Variants in NPR3 observed in about 807,000 individuals in gnomAD.
The protein encoded by NPR3 is atrial natriuretic peptide receptor 3.
Under a neutral mutation model 54.5 loss-of-function variants are expected in NPR3, and 34 were observed. That is an observed-to-expected ratio of 0.62 (90% CI 0.47 to 0.83). The LOEUF (loss-of-function observed/expected upper bound fraction) is 0.83. Ranked by LOEUF, NPR3 falls within the 40% of genes least tolerant of loss-of-function variation. The pLI is 0.00. For synonymous variants in NPR3, 289 were observed against 297.1 expected (o/e 0.97, Z 0.28); for missense variants, 674 against 720.8 (o/e 0.94, Z 0.74).
At position 32,713,230 on chromosome 5, in the gene NPR3, G is replaced by C. The variant is rs957989126; in HGVS notation, c.769+685G>C. On this transcript the variant is annotated intron_variant, in intron 1 of 7. Transcript: ENST00000265074. ...TGTTCTGCAACGCAGTTTCTAATGC[G>C]CCCAGAGCTAAGCTTTGCGGGAGTG... 4.7e-5 allele frequency: 46 copies of C among 985,390 alleles called. No individual in the cohort carries two copies. The Admixed American group carries it at 2.6e-3, about 57-fold the overall frequency. The allele number at this position is 985,390 out of a possible 1,614,324, so 61.0% of individuals were successfully genotyped here. A position where few individuals can be genotyped will look rare whatever the true frequency, so the allele number is the denominator to read the frequency against.
At chr5:32,770,975 G>A (rs1741725757) in intron 3 of NPR3, among the ~76,000 whole-genome samples, 1 of 152,164 alleles carries the variant, frequency 6.6e-6, no homozygotes, top group African/African-American at 2.4e-5. Flanking sequence ...CAGAGGCAGG[G>A]GACATACCAG....
upstream of NPR3, among the ~76,000 whole-genome samples, chr5:32,711,085 G>A (rs146156117): frequency 0.017 from 2,656 of 152,218 alleles, 38 homozygotes; most frequent in Middle Eastern, 0.037. Flanking sequence ...GGAAAAGGCA[G>A]AGGGCCTGCG....
intron 3 of NPR3, among the ~76,000 whole-genome samples, chr5:32,740,852 A>G (rs1383710615): frequency 6.6e-6 from 1 of 152,098 alleles, no homozygotes; most frequent in African/African-American, 2.4e-5. Context: ...TTATGAAAGA[A>G]GTAGGGTTTC....
intron 2 of NPR3, among the ~76,000 whole-genome samples, chr5:32,726,581 T>A (rs1739147907): frequency 6.6e-6 from 1 of 152,186 alleles, no homozygotes; most frequent in South Asian, 2.1e-4. Flanking sequence ...GTTTTGCAAG[T>A]TGGCAACTAC....
chr5:32,773,189 C>T (rs1473352097), intron 3 of NPR3, among the ~76,000 whole-genome samples: 3 of 152,198 alleles, frequency 2.0e-5, no homozygotes, highest in Non-Finnish European at 2.9e-5. Context: ...GTTCATTCTG[C>T]ATCATTGGCA....
Position 32,780,753 on chromosome 5 carries a change from CG to C in NPR3, c.1229del (p.Gly410GlufsTer9). 6.3e-7 allele frequency: 1 copy of C among 1,597,152 alleles called. No homozygotes were observed. The highest frequency in any genetic ancestry group is 1.7e-4 in the Middle Eastern group (1 of 6,020). On this transcript the variant is annotated frameshift_variant, in exon 5 of 8. Transcript: ENST00000265074. LOFTEE classifies it high-confidence loss of function. ...IAGQVSIDAN[G>X]DRYGDFSVIA... ...CCGGGCAGGTGTCCATAGATGCCAA[CG>C]GAGACCGATATGGGGATTTCTCTGT...
Position 32,727,924 on chromosome 5 carries a change from A to G in NPR3, c.892+3104A>G, listed in dbSNP as rs147947570. ...TAAATTTTGACTTCTGTCATGAAGT[A>G]GATGGTAAAGTATCCTTTTATTCCT... On this transcript the variant is annotated intron_variant, in intron 2 of 7. Coordinates refer to ENST00000265074, the MANE Select transcript of NPR3 (RefSeq NM_001204375.2). 3.8e-3 allele frequency among the ~76,000 whole-genome samples: 586 copies of G among 152,362 alleles called. 2 individuals carry two copies. Among genetic ancestry groups the G allele is most frequent in the African/African-American group, 0.014 (563 of 41,590 alleles).
chr5:32,739,981 A>G (rs1739956316), intron 3 of NPR3, among the ~76,000 whole-genome samples: 1 of 152,188 alleles, frequency 6.6e-6, no homozygotes, highest in Non-Finnish European at 1.5e-5. Flanking sequence ...CCTGGGCTCA[A>G]GCGATCCTCC....
chr5:32,704,245 C>T (rs563967064), intron 1 of NPR3, among the ~76,000 whole-genome samples: 2 of 152,142 alleles, frequency 1.3e-5, no homozygotes, highest in Non-Finnish European at 2.9e-5. Flanking sequence ...GGAAGGTTGG[C>T]ATTGGCAATT....
rs948607226 is a variant in NPR3, at chr5:32,788,726, C to T, written c.*2381C>T. 1 of 152,162 alleles carries T rather than the reference C, an allele frequency of 6.6e-6. No homozygotes were observed. Among genetic ancestry groups the T allele is most frequent in the Non-Finnish European group, 1.5e-5 (1 of 68,026 alleles). 9.4% of individuals were successfully genotyped at this position (152,162 alleles called of 1,614,324 possible). A position where few individuals can be genotyped will look rare whatever the true frequency, so the allele number is the denominator to read the frequency against. ...TTAATATGATAGCTCTAGATAAGAT[C>T]TTAGAGATAAGTGAGCATTTAGTAT... On this transcript the variant is annotated 3_prime_UTR_variant, in exon 8 of 8. Transcript: ENST00000265074.
At chr5:32,695,306 C>T (rs1461438981) in intron 1 of NPR3, among the ~76,000 whole-genome samples, 1 of 152,170 alleles carries the variant, frequency 6.6e-6, no homozygotes, top group Non-Finnish European at 1.5e-5. Context: ...GCTCTGTCGT[C>T]CAGGCTGGAG....
rs767132770 is a variant in NPR3 at position 32,724,781 on chromosome 5, G to A, written c.853G>A (p.Ala285Thr). ...HRHGMTSGDY[A>T]FFNIELFNSS... ...GCATGGCATGACCAGTGGAGACTAC[G>A]CCTTCTTCAACATTGAGCTCTTCAA... The change falls in exon 2 of 8, where the codon GCC (alanine) becomes ACC (threonine). Residue 285 changes from alanine (A) to threonine (T), a missense_variant. Coordinates refer to ENST00000265074, the MANE Select transcript of NPR3 (RefSeq NM_001204375.2). 20 of 1,613,748 alleles carry A rather than the reference G, an allele frequency of 1.2e-5. No homozygotes were observed. Among genetic ancestry groups the A allele is most frequent in the Middle Eastern group, 1.6e-4 (1 of 6,084 alleles).
chr5:32,694,494 C>T (rs115889616), intron 1 of NPR3, among the ~76,000 whole-genome samples: 1,821 of 152,274 alleles, frequency 0.012, 49 homozygotes, highest in African/African-American at 0.041. Context: ...TCTGCTTTTT[C>T]TCAACCTTAT....
chr5:32,747,757 A>ATTT (rs34349060), intron 3 of NPR3, among the ~76,000 whole-genome samples: 15 of 135,938 alleles, frequency 1.1e-4, no homozygotes, highest in African/African-American at 4.1e-4. Context: ...GGAGGCATGC[A>ATTT]TTTTTTTTTT....
At chr5:32,695,585 G>T (rs1186400680) in intron 1 of NPR3, among the ~76,000 whole-genome samples, 1 of 152,126 alleles carries the variant, frequency 6.6e-6, no homozygotes, top group African/African-American at 2.4e-5. Context: ...TTTAGTTTTT[G>T]AGGAACCTCC....
At chr5:32,782,022 A>G (rs1279933588) in intron 5 of NPR3, among the ~76,000 whole-genome samples, 1 of 152,218 alleles carries the variant, frequency 6.6e-6, no homozygotes, top group Non-Finnish European at 1.5e-5. Context: ...AGGCACTTCT[A>G]GACTGGGGCT....
intron 6 of NPR3, among the ~76,000 whole-genome samples, chr5:32,783,953 CT>C (rs1242086465): frequency 2.0e-4 from 31 of 152,206 alleles, no homozygotes; most frequent in Admixed American, 6.5e-5. Context: ...CTATTTATCA[CT>C]TTTATATAAC....
At chr5:32,729,069 G>A (rs1423332836) in intron 2 of NPR3, among the ~76,000 whole-genome samples, 1 of 112,058 alleles carries the variant, frequency 8.9e-6, no homozygotes, top group Middle Eastern at 5.7e-3. Context: ...TCGCTCTGTC[G>A]CCCAGGCTGG....
chr5:32,750,191 C>T (rs374663594), intron 3 of NPR3, among the ~76,000 whole-genome samples: 21 of 152,176 alleles, frequency 1.4e-4, no homozygotes, highest in Non-Finnish European at 2.2e-4. Context: ...TGCGGTGGCG[C>T]GATCTCGGCT....
Sources: allele counts gnomAD v4.1 joint callset (sites outside exome capture counted in the v4.1 genomes callset), GRCh38; gene constraint gnomAD v4.1.1; transcripts MANE v1.5; gene names NCBI Gene and HGNC (gene_info 2026-07-23, HGNC 2026-07-21).